SEMA3C: variants seen among roughly 807,000 people sequenced by gnomAD.
The protein encoded by SEMA3C is semaphorin 3C.
A neutral mutation model predicts 89.4 loss-of-function variants in SEMA3C; 47 were observed. That is an observed-to-expected ratio of 0.53 (90% confidence interval 0.42 to 0.67). SEMA3C has a LOEUF of 0.67. Among genes scored for constraint, SEMA3C ranks in the 30% least tolerant of loss-of-function variants. The pLI, the probability that SEMA3C is intolerant of heterozygous loss-of-function variation, is 0.00. For synonymous variants in SEMA3C, 310 were observed against 320.2 expected, an observed-to-expected ratio of 0.97 and a Z score of 0.34; for missense variants, 839 against 929.1, an observed-to-expected ratio of 0.90 and a Z score of 1.26.
intron 12 of SEMA3C, among the ~76,000 whole-genome samples, chr7:80,772,282 G>T (rs1027520748): frequency 6.6e-6 from 1 of 152,132 alleles, no homozygotes; most frequent in African/African-American, 2.4e-5. Context: ...TTAATAGTGA[G>T]TTTTAACATT....
intron 15 of SEMA3C, among the ~76,000 whole-genome samples, chr7:80,754,957 G>GTTTTTTTTTTTTTTTT (rs1368382376): frequency 2.8e-5 from 3 of 108,366 alleles, no homozygotes; most frequent in Non-Finnish European, 5.6e-5. Context: ...GTTTTTTTTT[G>GTTTTTTTTTTTTTTTT]TTTTTTTTTT....
chr7:80,799,405 C>T (rs1486328567), intron 10 of SEMA3C, among the ~76,000 whole-genome samples: 5 of 151,710 alleles, frequency 3.3e-5, no homozygotes, highest in South Asian at 2.1e-4. Context: ...AATATGCCTA[C>T]TATAAAATTA....
chr7:80,850,102 C>T (rs1033162386), intron 2 of SEMA3C, among the ~76,000 whole-genome samples: 2 of 152,094 alleles, frequency 1.3e-5, no homozygotes, highest in Non-Finnish European at 2.9e-5. Flanking sequence ...ACATGACCGG[C>T]TCAAACTTTG....
intron 9 of SEMA3C, among the ~76,000 whole-genome samples, chr7:80,801,530 T>C (rs1485121491): frequency 6.6e-6 from 1 of 152,086 alleles, no homozygotes; most frequent in South Asian, 2.1e-4. Flanking sequence ...ATTGCCATGA[T>C]TATATGAAAG....
At chr7:80,859,957 T>A (rs776604279) in intron 2 of SEMA3C, among the ~76,000 whole-genome samples, 17 of 152,242 alleles carry the variant, frequency 1.1e-4, no homozygotes, top group Non-Finnish European at 4.4e-5. Flanking sequence ...AAATGTCTCA[T>A]CTGTGTGCTA....
At chr7:80,787,347 G>A (rs561751297) in intron 12 of SEMA3C, among the ~76,000 whole-genome samples, 13 of 147,998 alleles carry the variant, frequency 8.8e-5, no homozygotes, top group Admixed American at 2.8e-4. Flanking sequence ...AGCCGAGATC[G>A]TGCCACTGCA....
intron 2 of SEMA3C, among the ~76,000 whole-genome samples, chr7:80,844,146 G>A (rs1790335254): frequency 6.6e-6 from 1 of 152,076 alleles, no homozygotes; most frequent in South Asian, 2.1e-4. Context: ...GAGGCACTTG[G>A]TCTCCATCAC....
At chr7:80,767,894 T>C (rs1006464850) in intron 12 of SEMA3C, among the ~76,000 whole-genome samples, 4 of 152,140 alleles carry the variant, frequency 2.6e-5, no homozygotes, top group Non-Finnish European at 5.9e-5. Flanking sequence ...GTTTTATGAA[T>C]CCAACTGAAA....
intron 2 of SEMA3C, among the ~76,000 whole-genome samples, chr7:80,844,152 A>C (rs1790335399): frequency 6.6e-6 from 1 of 152,142 alleles, no homozygotes; most frequent in African/African-American, 2.4e-5. Context: ...CTTGGTCTCC[A>C]TCACTTTTCA....
chr7:80,919,449 G>C (rs981517519), upstream of SEMA3C: 1 of 878,974 alleles, frequency 1.1e-6, no homozygotes, highest in Admixed American at 6.2e-5. Context: ...AAATATCAAA[G>C]TGCAAAGCAG....
At chr7:80,811,282 A>T (rs1265144745) in intron 5 of SEMA3C, among the ~76,000 whole-genome samples, 1 of 152,136 alleles carries the variant, frequency 6.6e-6, no homozygotes, top group Non-Finnish European at 1.5e-5. Context: ...GGATATTGCA[A>T]ACAAAATACA....
intron 2 of SEMA3C, 78 bp downstream of exon 2, chr7:80,916,601 T>C (rs1792280188): frequency 1.5e-6 from 2 of 1,336,752 alleles, no homozygotes. Flanking sequence ...ATTTATACTC[T>C]TAATTTCTGA....
At chr7:80,825,871 A>G (rs1789860290) in intron 4 of SEMA3C, among the ~76,000 whole-genome samples, 1 of 152,150 alleles carries the variant, frequency 6.6e-6, no homozygotes, top group Non-Finnish European at 1.5e-5. Flanking sequence ...CTGCAACATT[A>G]TACTTCATTC....
chr7:80,881,052 G>T (rs1791324933), intron 2 of SEMA3C, among the ~76,000 whole-genome samples: 1 of 151,960 alleles, frequency 6.6e-6, no homozygotes, highest in Non-Finnish European at 1.5e-5. Context: ...CAATTCTGAT[G>T]ATAATCTACT....
Position 80,758,380 on chromosome 7 carries a change from A to C in SEMA3C, c.1594T>G (p.Cys532Gly). 6.2e-7 allele frequency: 1 copy of C among 1,613,976 alleles called. No homozygotes were observed. The highest frequency in any genetic ancestry group is 2.2e-5 in the East Asian group (1 of 44,894). Reference protein sequence around the residue: ...ADCCLARDPYCAWDGHSCSRF... With the variant: ...ADCCLARDPYGAWDGHSCSRF... Reference sequence around the variant, plus strand: ...GAACAGGAATGGCCATCCCAGGCGCAATAAGGGTCCCGCGCCAGGCAGCAG... The same window carrying C: ...GAACAGGAATGGCCATCCCAGGCGCCATAAGGGTCCCGCGCCAGGCAGCAG... Residue 532 changes from cysteine (C) to glycine (G), a missense_variant, in exon 15 of 18, where the codon TGC (cysteine) becomes GGC (glycine). Cys to Gly is a radical substitution (Grantham distance 159). Transcript: ENST00000265361.
chr7:80,745,050 T>A lies in SEMA3C; in HGVS notation c.2100A>T (p.Ser700=). 1 of 1,614,148 alleles carries A rather than the reference T, an allele frequency of 6.2e-7. No homozygotes were observed. Among genetic ancestry groups the A allele is most frequent in the Non-Finnish European group, 8.5e-7 (1 of 1,180,008 alleles). ...PKDIMGAFSH[S]EMQMINQYCK... ...AATATTGGTTAATCATCTGCATTTC[T>A]GAGTGGCTGAATGCCCCCATGATGT... The change falls in exon 18 of 18, where the codon TCA becomes TCT. Residue 700 remains serine (S), a synonymous_variant. Transcript: ENST00000265361.
chr7:80,853,081 C>T (rs1471596673), intron 2 of SEMA3C, among the ~76,000 whole-genome samples: 1 of 152,004 alleles, frequency 6.6e-6, no homozygotes, highest in Non-Finnish European at 1.5e-5. Flanking sequence ...ATTATCTCAC[C>T]CCAGTTAAAA....
chr7:80,787,092 C>G (rs1301021736), intron 12 of SEMA3C, among the ~76,000 whole-genome samples: 2 of 151,950 alleles, frequency 1.3e-5, no homozygotes, highest in African/African-American at 4.8e-5. Flanking sequence ...CATGGAGTAT[C>G]TTAAAAAAGG....
At chr7:80,850,192 C>T (rs944825064) in intron 2 of SEMA3C, among the ~76,000 whole-genome samples, 1 of 152,080 alleles carries the variant, frequency 6.6e-6, no homozygotes, top group African/African-American at 2.4e-5. Flanking sequence ...TTATCATATA[C>T]TTTTGGAAGG....
Sources: allele counts gnomAD v4.1 joint callset (sites outside exome capture counted in the v4.1 genomes callset), GRCh38; gene constraint gnomAD v4.1.1; transcripts MANE v1.5; gene names NCBI Gene and HGNC (gene_info 2026-07-23, HGNC 2026-07-21).